PLCXD2: variants seen among roughly 807,000 people sequenced by gnomAD.
PLCXD2 encodes phosphatidylinositol specific phospholipase C X domain containing 2, also known as PI-PLC X domain-containing protein 2.
PLCXD2 carries 21 observed loss-of-function variants against 28.6 expected under a neutral mutation model. The ratio of observed to expected loss-of-function variants is 0.73; its 90% CI spans 0.52 to 1.06. The LOEUF is 1.06. PLCXD2 is among the 50% of genes least tolerant of loss of function. The pLI is 0.00. For synonymous variants in PLCXD2, 140 were observed against 150.1 expected (o/e 0.93, Z 0.49); for missense variants, 369 against 376.7 (o/e 0.98, Z 0.17).
At chr3:111,686,480 C>T (rs1413637213) in intron 1 of PLCXD2, among the ~76,000 whole-genome samples, 1 of 152,170 alleles carries the variant, frequency 6.6e-6, no homozygotes, top group Non-Finnish European at 1.5e-5. Flanking sequence ...ATTATGAATA[C>T]TCTCCCACAT....
chr3:111,712,508 G>A (rs985652836), intron 2 of PLCXD2, among the ~76,000 whole-genome samples: 3 of 152,242 alleles, frequency 2.0e-5, no homozygotes, highest in African/African-American at 7.2e-5. Flanking sequence ...TAACACACCG[G>A]TTTACCACAG....
At chr3:111,681,166 G>A (rs908323985) in intron 1 of PLCXD2, among the ~76,000 whole-genome samples, 19 of 152,170 alleles carry the variant, frequency 1.2e-4, no homozygotes, top group African/African-American at 4.3e-4. Flanking sequence ...TTAAAGTTAA[G>A]GGAAGGATAC....
At chr3:111,717,547 T>C (rs779964377) in intron 3 of PLCXD2, among the ~76,000 whole-genome samples, 3 of 152,148 alleles carry the variant, frequency 2.0e-5, no homozygotes, top group Non-Finnish European at 4.4e-5. Flanking sequence ...TTGGAGAAGG[T>C]TGACACATGC....
At chr3:111,705,318 C>T (rs553581951) in intron 1 of PLCXD2, among the ~76,000 whole-genome samples, 4 of 152,226 alleles carry the variant, frequency 2.6e-5, no homozygotes, top group African/African-American at 9.6e-5. Context: ...CAGGCTTATT[C>T]GTGTTGCTGT....
At chr3:111,692,041 G>A (rs143208548) in intron 1 of PLCXD2, among the ~76,000 whole-genome samples, 1 of 152,136 alleles carries the variant, frequency 6.6e-6, no homozygotes, top group Admixed American at 6.5e-5. Flanking sequence ...ATGTCTTCAG[G>A]TTCCTTTTTT....
intron 1 of PLCXD2, among the ~76,000 whole-genome samples, chr3:111,677,707 C>A (rs772826238): frequency 6.6e-6 from 1 of 152,146 alleles, no homozygotes; most frequent in Non-Finnish European, 1.5e-5. Context: ...TGTCTCTGTG[C>A]CCCTGAGGGG....
At chr3:111,718,527 AGATAGATT>A (rs111329557) in intron 3 of PLCXD2, among the ~76,000 whole-genome samples, 19,742 of 128,316 alleles carry the variant, frequency 0.15, 1,442 homozygotes, top group East Asian at 0.24. Context: ...ATAGATAGAT[AGATAGATT>A]GATTGATTTA....
At position 111,687,570 on chromosome 3, in the gene PLCXD2, A is replaced by T. The variant is rs559313026; in HGVS notation, c.163+12162A>T. On this transcript the variant is annotated intron_variant, in intron 1 of 4. Transcript: ENST00000477665. ...TTATTGTAATATTTGTATGGATTAA[A>T]TACCTGAATTGGAATACAAGATGTT... is the stretch of plus-strand genomic sequence containing the variant. Among the ~76,000 whole-genome samples the T allele has an allele frequency of 3.9e-5, 6 of 152,350 alleles. No individual in the cohort carries two copies. In the South Asian group the frequency reaches 1.2e-3, roughly 32 times the overall value.
At chr3:111,696,758 G>T (rs1049824849) in intron 1 of PLCXD2, among the ~76,000 whole-genome samples, 1 of 152,152 alleles carries the variant, frequency 6.6e-6, no homozygotes, top group Non-Finnish European at 1.5e-5. Context: ...CCGACCAGAT[G>T]ATCTTAGTTT....
At chr3:111,726,195 A>C in intron 3 of PLCXD2, 1 of 239,714 alleles carries the variant, frequency 4.2e-6, no homozygotes, top group Middle Eastern at 1.4e-3. Flanking sequence ...GCAGTTTTAC[A>C]TTTGTTATTA....
chr3:111,726,045 A>T (rs867609012), intron 3 of PLCXD2: 1 of 280,630 alleles, frequency 3.6e-6, no homozygotes, highest in South Asian at 3.4e-4. Context: ...CCTACATCCA[A>T]TCATTAGAAC....
chr3:111,675,156 G>T lies in PLCXD2; in HGVS notation c.-90G>T, dbSNP rs1261587618. The T allele has an allele frequency of 2.7e-6, 4 of 1,467,670 alleles. No homozygotes were observed. The highest frequency in any genetic ancestry group is 2.8e-5 in the African/African-American group (2 of 70,884). The allele number at this position is 1,467,670 out of a possible 1,614,324, so 90.9% of individuals were successfully genotyped here. A position where few individuals can be genotyped will look rare whatever the true frequency, so the allele number is the denominator to read the frequency against. On this transcript the variant is annotated 5_prime_UTR_variant, in exon 1 of 5. Coordinates refer to ENST00000477665, the MANE Select transcript of PLCXD2 (RefSeq NM_001185106.1). ...TTTTGGAAAGACTGGCGTGGCAAGC[G>T]TCGCCCTGAAACGTCCACAGAGCCC... is the stretch of plus-strand genomic sequence containing the variant.
At chr3:111,724,689 A>G (rs1299537432) in intron 3 of PLCXD2, 1 of 152,218 alleles carries the variant, frequency 6.6e-6, no homozygotes, top group Non-Finnish European at 1.5e-5. Flanking sequence ...ACATGAAACC[A>G]GTCCATCCTG....
At chr3:111,697,976 G>A (rs1259256749) in intron 1 of PLCXD2, among the ~76,000 whole-genome samples, 1 of 151,882 alleles carries the variant, frequency 6.6e-6, no homozygotes, top group Non-Finnish European at 1.5e-5. Context: ...GTTGATTTTG[G>A]GTGTAACCTA....
rs780987439 is a variant in PLCXD2, at chr3:111,713,916, C to G, written c.654C>G (p.Tyr218Ter). ...TTATTTTCTACCACTGTCCCTTCTA[C>G]AAGCAGTACCCCTTCCTGTGGCCAG... is the stretch of plus-strand genomic sequence containing the variant. Residue 218 changes from tyrosine (Y) to a stop codon, truncating the protein, a stop_gained, in exon 3 of 5, where the codon TAC (tyrosine) becomes TAG (stop). Transcript: ENST00000477665. LOFTEE classifies it high-confidence loss of function. 6.2e-7 allele frequency: 1 copy of G among 1,613,856 alleles called. No individual in the cohort carries two copies. The highest frequency in any genetic ancestry group is 1.7e-5 in the Admixed American group (1 of 59,996).
intron 1 of PLCXD2, among the ~76,000 whole-genome samples, chr3:111,684,419 C>T (rs891311414): frequency 2.0e-5 from 3 of 151,278 alleles, no homozygotes; most frequent in African/African-American, 7.3e-5. Context: ...TTTGGAAAGC[C>T]GAGGCTGGTG....
At position 111,708,360 on chromosome 3, in the gene PLCXD2, C is replaced by A. The variant is rs770776640; in HGVS notation, c.598C>A (p.Arg200=). Reference sequence around the variant, plus strand: ...CTGCAGTGTGGAAAGTTTGACGCTGCGAACTCTGTGGGAGAAGAACTGCCA... The same window carrying A: ...CTGCAGTGTGGAAAGTTTGACGCTGAGAACTCTGTGGGAGAAGAACTGCCA... The change falls in exon 2 of 5, where the codon CGA becomes AGA. Residue 200 remains arginine, a synonymous_variant. Transcript: ENST00000477665. 5 of 1,613,850 alleles carry A rather than the reference C, an allele frequency of 3.1e-6. No homozygotes were observed. Among genetic ancestry groups the A allele is most frequent in the South Asian group, 2.2e-5 (2 of 91,046 alleles).
chr3:111,678,924 A>T (rs1029501624), intron 1 of PLCXD2, among the ~76,000 whole-genome samples: 3 of 152,188 alleles, frequency 2.0e-5, no homozygotes, highest in African/African-American at 7.2e-5. Flanking sequence ...TGCCAGAATG[A>T]AGCAGGGTCT....
chr3:111,703,664 T>A (rs1941078156), intron 1 of PLCXD2, among the ~76,000 whole-genome samples: 1 of 152,222 alleles, frequency 6.6e-6, no homozygotes, highest in African/African-American at 2.4e-5. Flanking sequence ...AACTCACTAT[T>A]CACCATCTAT....
Sources: allele counts gnomAD v4.1 joint callset (sites outside exome capture counted in the v4.1 genomes callset), GRCh38; gene constraint gnomAD v4.1.1; transcripts MANE v1.5; gene names NCBI Gene and HGNC (gene_info 2026-07-23, HGNC 2026-07-21).